The following CACNA2D1 variants were observed in gnomAD, a reference collection of about 807,000 sequenced individuals.
CACNA2D1 encodes the protein calcium voltage-gated channel auxiliary subunit alpha2delta 1, also known as voltage-dependent calcium channel subunit alpha-2/delta-1.
In CACNA2D1, 53 loss-of-function variants were observed where a neutral mutation model predicts 171.5. The observed-to-expected ratio is 0.31, with a 90% CI of 0.25 to 0.39. The LOEUF (loss-of-function observed/expected upper bound fraction) is 0.39, where lower values mean the gene tolerates loss of function less well. Ranked by LOEUF, CACNA2D1 falls within the 10% of genes least tolerant of loss-of-function variation. CACNA2D1 has a pLI of 1.00. For synonymous variants in CACNA2D1, 442 were observed against 443.1 expected (o/e 1.00, Z 0.03); for missense variants, 903 against 1,299.8 (o/e 0.69, Z 4.69).
chr7:82,111,418 A>T (rs1482651942), intron 6 of CACNA2D1, among the ~76,000 whole-genome samples: 3 of 74,856 alleles, frequency 4.0e-5, no homozygotes, highest in Admixed American at 2.9e-4. Flanking sequence ...ATATATGTGT[A>T]TATATGTGTG....
intron 3 of CACNA2D1, among the ~76,000 whole-genome samples, chr7:82,270,561 C>T (rs1204260403): frequency 6.6e-6 from 1 of 152,038 alleles, no homozygotes; most frequent in African/African-American, 2.4e-5. Context: ...TGTTGGGAGA[C>T]ATGTATTCAT....
chr7:81,998,034 G>T (rs543021031), intron 18 of CACNA2D1, among the ~76,000 whole-genome samples: 1 of 151,806 alleles, frequency 6.6e-6, no homozygotes, highest in Admixed American at 6.6e-5. Context: ...TATATAAAAT[G>T]ATACTGTTAG....
At chr7:82,328,325 CTTGGGCCTCATTTTTA>C (rs1336732840) in intron 3 of CACNA2D1, among the ~76,000 whole-genome samples, 6 of 152,170 alleles carry the variant, frequency 3.9e-5, no homozygotes, top group Non-Finnish European at 1.5e-5. Flanking sequence ...TCATATGTAG[CTTGGGCCTCATTTTTA>C]TTGGGCCTCA....
At chr7:82,335,779 A>T (rs968339587) in intron 2 of CACNA2D1, among the ~76,000 whole-genome samples, 1 of 152,234 alleles carries the variant, frequency 6.6e-6, no homozygotes, top group African/African-American at 2.4e-5. Context: ...GATGAAGGTC[A>T]TTAAGGTTTT....
chr7:82,086,162 A>T (rs1810463958), intron 6 of CACNA2D1, among the ~76,000 whole-genome samples: 1 of 152,200 alleles, frequency 6.6e-6, no homozygotes, highest in South Asian at 2.1e-4. Context: ...GACAGCAAAT[A>T]AAAGAAATGA....
intron 12 of CACNA2D1, among the ~76,000 whole-genome samples, chr7:82,021,546 C>T (rs1801212781): frequency 6.6e-6 from 1 of 152,000 alleles, no homozygotes; most frequent in South Asian, 2.1e-4. Flanking sequence ...TGCCTATGTA[C>T]TGATATGACC....
chr7:82,014,627 G>C, intron 12 of CACNA2D1, 148 bp from the exon 13 acceptor site: 1 of 641,036 alleles, frequency 1.6e-6, no homozygotes, highest in Non-Finnish European at 2.8e-6. Context: ...CCTTCAGAAA[G>C]AGACCAGAGG....
At chr7:82,049,005 G>A (rs907256767) in intron 10 of CACNA2D1, among the ~76,000 whole-genome samples, 2 of 150,832 alleles carry the variant, frequency 1.3e-5, no homozygotes, top group Admixed American at 1.3e-4. Flanking sequence ...GAATTTCTAA[G>A]TGCCAAAAAC....
intron 1 of CACNA2D1, among the ~76,000 whole-genome samples, chr7:82,390,696 AT>A (rs1255490905): frequency 6.6e-6 from 1 of 152,012 alleles, no homozygotes; most frequent in Non-Finnish European, 1.5e-5. Flanking sequence ...CATGTGATAT[AT>A]TTTTTCCTTG....
In CACNA2D1 at chr7:81,966,531, A is replaced by G. The variant is rs1264468646; in HGVS notation, c.2502+638T>C. Among the ~76,000 whole-genome samples the G allele has an allele frequency of 2.6e-5, 4 of 151,450 alleles. No homozygotes were observed. In the South Asian group the frequency reaches 6.2e-4, roughly 24 times the overall value. On this transcript the variant is annotated intron_variant, in intron 31 of 38. Transcript: ENST00000356860. ...TTCCCTTGGAGATATACAGACACAC[A>G]AAAGAGGACTGGAAGAAAATATTGT...
At position 82,405,153 on chromosome 7, in the gene CACNA2D1, T is replaced by C. The variant is rs73386021; in HGVS notation, c.95+38212A>G. ...CATTTAGAAGTCACTGTTCTTGGGA[T>C]TTCTGGACACAAAACATGCTCAGTA... On this transcript the variant is annotated intron_variant, in intron 1 of 38. Coordinates refer to ENST00000356860, the MANE Select transcript of CACNA2D1 (RefSeq NM_000722.4). 3.4e-3 allele frequency among the ~76,000 whole-genome samples: 511 copies of C among 152,280 alleles called. 2 individuals carry two copies. The highest frequency in any genetic ancestry group is 0.012 in the African/African-American group (491 of 41,548).
chr7:82,089,379 A>G (rs1440424088), intron 6 of CACNA2D1, among the ~76,000 whole-genome samples: 3 of 152,144 alleles, frequency 2.0e-5, no homozygotes, highest in Non-Finnish European at 4.4e-5. Context: ...AGAAATGAAG[A>G]TCTTTATCCC....
intron 6 of CACNA2D1, among the ~76,000 whole-genome samples, chr7:82,094,778 T>A (rs1009464085): frequency 2.9e-5 from 3 of 102,606 alleles, no homozygotes; most frequent in African/African-American, 1.4e-4. Context: ...AGTTTTCCAA[T>A]CTGACAAAAG....
At chr7:82,275,293 T>C (rs1050750173) in intron 3 of CACNA2D1, among the ~76,000 whole-genome samples, 6 of 152,174 alleles carry the variant, frequency 3.9e-5, no homozygotes, top group African/African-American at 1.4e-4. Context: ...AACTGTTCTC[T>C]CAAGTAATCA....
At chr7:82,000,668 G>A (rs768524928) in intron 18 of CACNA2D1, among the ~76,000 whole-genome samples, 2 of 151,418 alleles carry the variant, frequency 1.3e-5, no homozygotes, top group Non-Finnish European at 2.9e-5. Context: ...CACACTCTTG[G>A]CTCACTGCAA....
At chr7:82,018,027 G>A (rs1484708122) in intron 12 of CACNA2D1, among the ~76,000 whole-genome samples, 1 of 152,100 alleles carries the variant, frequency 6.6e-6, no homozygotes, top group Non-Finnish European at 1.5e-5. Flanking sequence ...AATGTTCCTA[G>A]AAAAGTAGCT....
intron 37 of CACNA2D1, 68 bp from the exon 38 acceptor site, chr7:81,959,425 A>T: frequency 8.5e-6 from 9 of 1,056,376 alleles, no homozygotes; most frequent in South Asian, 1.3e-5. Flanking sequence ...ATACAATGCA[A>T]TGTATTTCCC....
intron 3 of CACNA2D1, among the ~76,000 whole-genome samples, chr7:82,173,258 A>G (rs1378340074): frequency 6.6e-6 from 1 of 152,114 alleles, no homozygotes; most frequent in Non-Finnish European, 1.5e-5. Flanking sequence ...AGATAGTCCA[A>G]ATCGGCTTTA....
intron 6 of CACNA2D1, among the ~76,000 whole-genome samples, chr7:82,110,197 T>C (rs574952247): frequency 1.3e-5 from 2 of 152,328 alleles, no homozygotes; most frequent in South Asian, 2.1e-4. Flanking sequence ...ATTTATGTTA[T>C]GGATTGGATG....
Sources: allele counts gnomAD v4.1 joint callset (sites outside exome capture counted in the v4.1 genomes callset), GRCh38; gene constraint gnomAD v4.1.1; transcripts MANE v1.5; gene names NCBI Gene and HGNC (gene_info 2026-07-23, HGNC 2026-07-21).